Variants in LRMDA observed in about 807,000 individuals in gnomAD.
The protein encoded by LRMDA is leucine rich melanocyte differentiation associated.
A neutral mutation model predicts 29.8 loss-of-function variants in LRMDA; 18 were observed. That is an observed-to-expected ratio of 0.60 (90% CI 0.42 to 0.90). The LOEUF (loss-of-function observed/expected upper bound fraction) is 0.90, where lower values mean the gene tolerates loss of function less well. Ranked by LOEUF, LRMDA falls within the 40% of genes least tolerant of loss-of-function variation. The pLI, the probability that LRMDA is intolerant of heterozygous loss-of-function variation, is 0.00. For missense variants in LRMDA, 273 were observed against 273.9 expected, an observed-to-expected ratio of 1.00 and a Z score of 0.02; for synonymous variants, 125 against 109.4, an observed-to-expected ratio of 1.14 and a Z score of -0.89.
At chr10:76,276,573 T>G (rs1361839110) in intron 5 of LRMDA, among the ~76,000 whole-genome samples, 1 of 152,200 alleles carries the variant, frequency 6.6e-6, no homozygotes, top group Non-Finnish European at 1.5e-5. Flanking sequence ...CTTTATCTCA[T>G]GGACTATGCA....
chr10:75,976,852 C>T (rs999564009), intron 2 of LRMDA, among the ~76,000 whole-genome samples: 1 of 152,178 alleles, frequency 6.6e-6, no homozygotes, highest in Non-Finnish European at 1.5e-5. Flanking sequence ...CGCCACATTA[C>T]AATGCCTCTC....
chr10:76,008,953 G>T (rs889156288), intron 2 of LRMDA, among the ~76,000 whole-genome samples: 1 of 152,162 alleles, frequency 6.6e-6, no homozygotes, highest in African/African-American at 2.4e-5. Context: ...AAGAGCCTAT[G>T]GCATAGATAT....
rs933227633 is a variant in LRMDA at position 76,353,509 on chromosome 10, A to G, written c.601+29024A>G. Among the ~76,000 whole-genome samples, 5 of 152,292 alleles carry G rather than the reference A, an allele frequency of 3.3e-5. 1 individual carries two copies. The Middle Eastern group carries it at 0.01, about 311-fold the overall frequency. ...CAGGGCTCTCCACATTGTCAGGAAC[A>G]GTCTGATGATGACACGTTCGAAGCT... is the stretch of plus-strand genomic sequence containing the variant. On this transcript the variant is annotated intron_variant, in intron 6 of 6. Transcript: ENST00000611255.
At chr10:76,231,254 A>G (rs1852053970) in intron 5 of LRMDA, among the ~76,000 whole-genome samples, 2 of 152,262 alleles carry the variant, frequency 1.3e-5, no homozygotes, top group African/African-American at 2.4e-5. Flanking sequence ...TGATTGTGTT[A>G]TCTAACTATG....
chr10:76,209,510 G>A (rs1851598108), intron 5 of LRMDA, among the ~76,000 whole-genome samples: 1 of 152,224 alleles, frequency 6.6e-6, no homozygotes, highest in Non-Finnish European at 1.5e-5. Flanking sequence ...CATGGCTCCT[G>A]TGAGGGACTG....
At chr10:76,199,599 AT>A (rs770329833) in intron 5 of LRMDA, among the ~76,000 whole-genome samples, 1 of 152,192 alleles carries the variant, frequency 6.6e-6, no homozygotes, top group African/African-American at 2.4e-5. Context: ...TAAATATAGC[AT>A]TTTCTGCCAA....
chr10:75,496,938 C>G (rs987230633), intron 2 of LRMDA, among the ~76,000 whole-genome samples: 4 of 151,674 alleles, frequency 2.6e-5, no homozygotes, highest in African/African-American at 9.7e-5. Context: ...TGGACCCCAC[C>G]CCCTGCCCTC....
In LRMDA at chr10:76,103,289, G is replaced by A. The variant is rs140960203; in HGVS notation, c.516+44506G>A. Among the ~76,000 whole-genome samples, 3 of 152,312 alleles carry A rather than the reference G, an allele frequency of 2.0e-5. No individual in the cohort carries two copies. In the East Asian group the frequency reaches 5.8e-4, roughly 29 times the overall value. ...TACAACATGGCAAAATGCAGTTGAG[G>A]ATAAAGAGGTTGTTTTTAACAATAA... is the stretch of plus-strand genomic sequence containing the variant. On this transcript the variant is annotated intron_variant, in intron 5 of 6. Transcript: ENST00000611255.
At chr10:76,495,805 C>T (rs1317712198) in intron 6 of LRMDA, among the ~76,000 whole-genome samples, 1 of 149,426 alleles carries the variant, frequency 6.7e-6, no homozygotes, top group African/African-American at 2.4e-5. Context: ...TCAGATTCCA[C>T]CTGTCCATTT....
chr10:75,816,492 G>C (rs1184207293), intron 2 of LRMDA, among the ~76,000 whole-genome samples: 2 of 152,184 alleles, frequency 1.3e-5, no homozygotes, highest in Non-Finnish European at 2.9e-5. Flanking sequence ...ATGCTCAACT[G>C]TTTGTTGCTT....
Position 76,166,322 on chromosome 10 carries a change from A to T in LRMDA, c.516+107539A>T, listed in dbSNP as rs545611389. 2.0e-5 allele frequency among the ~76,000 whole-genome samples: 3 copies of T among 152,136 alleles called. No homozygotes were observed. In the East Asian group the frequency reaches 5.8e-4, roughly 29 times the overall value. ...TCCAACCTTCTTTTGTTTGTTTTTAACTTTTATTTTAAGTTCAGGGGTACA... is the reference window on the plus strand; with the variant it reads ...TCCAACCTTCTTTTGTTTGTTTTTATCTTTTATTTTAAGTTCAGGGGTACA... On this transcript the variant is annotated intron_variant, in intron 5 of 6. Transcript: ENST00000611255.
At chr10:76,489,706 T>C (rs1052096854) in intron 6 of LRMDA, among the ~76,000 whole-genome samples, 1 of 151,974 alleles carries the variant, frequency 6.6e-6, no homozygotes, top group Non-Finnish European at 1.5e-5. Context: ...TATGTTGTGC[T>C]TACATTATCA....
intron 6 of LRMDA, chr10:76,464,881 G>A (rs2132311658): frequency 1.3e-5 from 2 of 152,302 alleles, no homozygotes; most frequent in Middle Eastern, 6.8e-3. Context: ...TGGAGGACAT[G>A]TGACACGGGA....
intron 6 of LRMDA, among the ~76,000 whole-genome samples, chr10:76,466,710 T>A (rs1055768658): frequency 3.3e-5 from 5 of 152,136 alleles, no homozygotes; most frequent in African/African-American, 1.2e-4. Flanking sequence ...GCAAGAGAAT[T>A]GAGCCTGGGA....
intron 5 of LRMDA, among the ~76,000 whole-genome samples, chr10:76,254,340 C>T (rs56080658): frequency 0.085 from 7,675 of 89,920 alleles, 700 homozygotes; most frequent in African/African-American, 0.24. Context: ...CATACCATAC[C>T]ATCCTATCCT....
chr10:75,467,049 C>T (rs866069080), intron 2 of LRMDA, among the ~76,000 whole-genome samples: 5 of 151,994 alleles, frequency 3.3e-5, no homozygotes, highest in South Asian at 2.1e-4. Context: ...TGACTAACAC[C>T]TAATAGAGGA....
chr10:75,779,520 A>G (rs1843353741), intron 2 of LRMDA, among the ~76,000 whole-genome samples: 1 of 152,206 alleles, frequency 6.6e-6, no homozygotes, highest in African/African-American at 2.4e-5. Context: ...ACTGCATGCT[A>G]GCCCTGGGCC....
intron 2 of LRMDA, among the ~76,000 whole-genome samples, chr10:75,960,740 A>C (rs1468498278): frequency 6.6e-6 from 1 of 152,096 alleles, no homozygotes; most frequent in Non-Finnish European, 1.5e-5. Flanking sequence ...CAGCCTCCTG[A>C]GTAGCTGGAA....
At chr10:76,343,187 G>A (rs1270819175) in intron 6 of LRMDA, among the ~76,000 whole-genome samples, 1 of 152,174 alleles carries the variant, frequency 6.6e-6, no homozygotes, top group Non-Finnish European at 1.5e-5. Context: ...GCAGGGTATG[G>A]AAGTACTACT....
Sources: gnomAD v4.1 joint callset for allele counts (sites outside exome capture counted in the v4.1 genomes callset) on GRCh38, gnomAD v4.1.1 for gene constraint, MANE v1.5 for transcripts, NCBI Gene and HGNC (gene_info 2026-07-23, HGNC 2026-07-21) for gene names.